Variants in FSIP1 observed in about 807,000 individuals in gnomAD.
FSIP1 encodes the protein fibrous sheath interacting protein 1.
Under a neutral mutation model 60.9 loss-of-function variants are expected in FSIP1, and 65 were observed. That is an observed-to-expected ratio of 1.07 (90% CI 0.87 to 1.31). The LOEUF (loss-of-function observed/expected upper bound fraction) is 1.31. Ranked by LOEUF, FSIP1 falls within the 40% of genes most tolerant of loss-of-function variation. FSIP1 has a pLI of 0.00. For missense variants in FSIP1, 675 were observed against 665.5 expected (o/e 1.01, Z -0.16); for synonymous variants, 209 against 221.2 (o/e 0.94, Z 0.49).
chr15:39,650,745 T>C (rs1309573378), intron 10 of FSIP1, among the ~76,000 whole-genome samples: 3 of 152,250 alleles, frequency 2.0e-5, no homozygotes, highest in Non-Finnish European at 2.9e-5. Context: ...TAAATAAGTA[T>C]TCACTGTACA....
chr15:39,698,814 T>C (rs1490580817), intron 10 of FSIP1, among the ~76,000 whole-genome samples: 1 of 152,246 alleles, frequency 6.6e-6, no homozygotes, highest in Non-Finnish European at 1.5e-5. Flanking sequence ...CCAGGAGGAA[T>C]GTTAACCATT....
intron 10 of FSIP1, among the ~76,000 whole-genome samples, chr15:39,651,332 A>G (rs755491221): frequency 1.1e-4 from 16 of 152,374 alleles, no homozygotes; most frequent in Admixed American, 7.2e-4. Context: ...ATTCCAATAA[A>G]TTTTGTGACA....
intron 10 of FSIP1, among the ~76,000 whole-genome samples, chr15:39,623,638 T>C (rs569598659): frequency 1.3e-5 from 2 of 152,330 alleles, no homozygotes; most frequent in East Asian, 3.9e-4. Context: ...GTCAAGGTTT[T>C]TTGGCTATAA....
chr15:39,733,762 T>G (rs891395579), intron 8 of FSIP1, among the ~76,000 whole-genome samples: 5 of 152,104 alleles, frequency 3.3e-5, no homozygotes, highest in African/African-American at 4.8e-5. Context: ...TTCTGTCTGC[T>G]TGGAAAATGG....
chr15:39,738,036 T>C lies in FSIP1; in HGVS notation c.891+55A>G. 5.9e-6 allele frequency: 6 copies of C among 1,013,030 alleles called. No homozygotes were observed. The South Asian group carries it at 1.0e-4, about 17-fold the overall frequency. 62.8% of individuals were successfully genotyped at this position (1,013,030 alleles called of 1,614,324 possible). ...ATTTATGATACTGGGCCAATAATATTATTTTTTAAAATCTAAATTAAGAAG... is the reference window on the plus strand; with the variant it reads ...ATTTATGATACTGGGCCAATAATATCATTTTTTAAAATCTAAATTAAGAAG... On this transcript the variant is annotated intron_variant, in intron 8 of 11. Transcript: ENST00000350221.
In FSIP1 at chr15:39,739,663, A is replaced by G. The variant is rs771892500; in HGVS notation, c.780+2T>C. On this transcript the variant is annotated splice_donor_variant, in intron 7 of 11. Transcript: ENST00000350221. LOFTEE classifies it high-confidence loss of function. ...CTGGCTTCTGAATTTCTAAGTACAT[A>G]CCTCAATGTTTCTCTTAATAAAATC... 12 of 1,590,300 alleles carry G rather than the reference A, an allele frequency of 7.5e-6. No individual in the cohort carries two copies. The East Asian group carries it at 2.0e-4, about 27-fold the overall frequency.
chr15:39,675,653 A>C (rs1024463739), intron 10 of FSIP1, among the ~76,000 whole-genome samples: 1 of 152,224 alleles, frequency 6.6e-6, no homozygotes, highest in African/African-American at 2.4e-5. Flanking sequence ...ATGTAAGGAT[A>C]TATTAAACCA....
chr15:39,626,860 C>A (rs1320661571), intron 10 of FSIP1, among the ~76,000 whole-genome samples: 1 of 152,198 alleles, frequency 6.6e-6, no homozygotes, highest in East Asian at 1.9e-4. Flanking sequence ...GGTACCAGGA[C>A]TTCTGCTTTC....
chr15:39,767,191 C>T (rs898316820), intron 3 of FSIP1, among the ~76,000 whole-genome samples: 2 of 152,140 alleles, frequency 1.3e-5, no homozygotes, highest in Non-Finnish European at 2.9e-5. Flanking sequence ...AGGAAAGCAA[C>T]TTATCCAAAA....
At chr15:39,608,713 A>C (rs1890916290) in intron 11 of FSIP1, among the ~76,000 whole-genome samples, 1 of 152,202 alleles carries the variant, frequency 6.6e-6, no homozygotes. Context: ...TACAGCTGGA[A>C]GTTCTACTCA....
intron 10 of FSIP1, among the ~76,000 whole-genome samples, chr15:39,651,038 G>A (rs1049221078): frequency 3.3e-5 from 5 of 152,178 alleles, no homozygotes; most frequent in African/African-American, 1.2e-4. Context: ...GTCAGATGGA[G>A]TCCCAGAGGG....
intron 10 of FSIP1, among the ~76,000 whole-genome samples, chr15:39,620,102 C>T (rs1891387495): frequency 6.6e-6 from 1 of 152,046 alleles, no homozygotes. Flanking sequence ...AAAGCAGTGA[C>T]ATATACACAG....
At chr15:39,640,683 A>G (rs1197507403) in intron 10 of FSIP1, among the ~76,000 whole-genome samples, 1 of 151,984 alleles carries the variant, frequency 6.6e-6, no homozygotes, top group African/African-American at 2.4e-5. Context: ...CAGCAGATTC[A>G]CAAAGACTCC....
intron 10 of FSIP1, among the ~76,000 whole-genome samples, chr15:39,625,927 T>G (rs1038074911): frequency 6.6e-6 from 1 of 152,190 alleles, no homozygotes; most frequent in African/African-American, 2.4e-5. Flanking sequence ...TATTGGCTAT[T>G]ATTAGTTATG....
intron 10 of FSIP1, among the ~76,000 whole-genome samples, chr15:39,665,042 G>C (rs1466944174): frequency 6.6e-6 from 1 of 152,100 alleles, no homozygotes; most frequent in Non-Finnish European, 1.5e-5. Flanking sequence ...AATATTTGTT[G>C]CAAGTCCTAT....
intron 10 of FSIP1, among the ~76,000 whole-genome samples, chr15:39,645,312 T>C (rs1237358806): frequency 6.6e-6 from 1 of 152,204 alleles, no homozygotes; most frequent in Non-Finnish European, 1.5e-5. Context: ...TGGCTGGGGC[T>C]GCACACTCCA....
intron 10 of FSIP1, among the ~76,000 whole-genome samples, chr15:39,695,763 C>A (rs562051691): frequency 6.6e-6 from 1 of 152,210 alleles, no homozygotes; most frequent in South Asian, 2.1e-4. Flanking sequence ...TTGCACACAA[C>A]GTAGAGATAG....
At chr15:39,656,839 T>A (rs928732268) in intron 10 of FSIP1, among the ~76,000 whole-genome samples, 7 of 152,214 alleles carry the variant, frequency 4.6e-5, no homozygotes, top group Non-Finnish European at 4.4e-5. Flanking sequence ...CATTTATTCT[T>A]AACTACTCAA....
At chr15:39,700,513 T>C (rs1895014866) in intron 10 of FSIP1, among the ~76,000 whole-genome samples, 1 of 152,250 alleles carries the variant, frequency 6.6e-6, no homozygotes, top group Non-Finnish European at 1.5e-5. Context: ...AAAAAGTAAT[T>C]GTGCAACATC....
Sources: gnomAD v4.1 joint callset for allele counts (sites outside exome capture counted in the v4.1 genomes callset) on GRCh38, gnomAD v4.1.1 for gene constraint, MANE v1.5 for transcripts, NCBI Gene and HGNC (gene_info 2026-07-23, HGNC 2026-07-21) for gene names.